ESR1: variants seen among roughly 807,000 people sequenced by gnomAD.
The protein encoded by ESR1 is estrogen receptor 1, also known as estrogen receptor.
ESR1 carries 12 observed loss-of-function variants against 52.7 expected under a neutral mutation model. That is an observed-to-expected ratio of 0.23 (90% confidence interval 0.15 to 0.37). The LOEUF is 0.37. ESR1 is among the 10% of genes least tolerant of loss of function. The probability of loss-of-function intolerance (pLI) is 1.00; values close to 1 mark genes in which losing one functional copy is unlikely to be tolerated. For synonymous variants in ESR1, 305 were observed against 316.8 expected (o/e 0.96, Z 0.39); for missense variants, 584 against 779.7 (o/e 0.75, Z 2.99).
exon 7 of ESR1, chr6:152,128,688 C>A (rs1377976262): frequency 1.3e-5 from 2 of 152,236 alleles, no homozygotes; most frequent in African/African-American, 4.8e-5. Flanking sequence ...TTGCAGACTG[C>A]TGGAAACAAC....
Position 151,663,493 on chromosome 6 carries a change from T to A in ESR1, n.73+6730T>A, listed in dbSNP as rs573002607. ...CTGGCACCTTTTGTTTCAATTTTTT[T>A]AAACATTAACTGCCCATAATAATTG... On this transcript the variant is annotated intron_variant and non_coding_transcript_variant, in intron 1 of 2. Transcript: ENST00000473497. Among the ~76,000 whole-genome samples the A allele has an allele frequency of 7.9e-5, 12 of 152,362 alleles. No individual in the cohort carries two copies. The East Asian group carries it at 2.3e-3, about 29-fold the overall frequency.
chr6:151,933,245 G>T (rs1408348503), intron 3 of ESR1, among the ~76,000 whole-genome samples: 1 of 148,592 alleles, frequency 6.7e-6, no homozygotes, highest in Non-Finnish European at 1.5e-5. Flanking sequence ...TCATGATTTG[G>T]CTCTCTGTTT....
intron 2 of ESR1, among the ~76,000 whole-genome samples, chr6:151,772,940 T>A (rs992572908): frequency 1.3e-5 from 2 of 152,196 alleles, no homozygotes; most frequent in African/African-American, 4.8e-5. Context: ...TATTAAACAC[T>A]CTTTTCCTCC....
At chr6:151,763,778 C>G (rs150240740) in intron 2 of ESR1, among the ~76,000 whole-genome samples, 2 of 152,152 alleles carry the variant, frequency 1.3e-5, no homozygotes. Context: ...TAATATATGA[C>G]AGAAATACAA....
intron 2 of ESR1, among the ~76,000 whole-genome samples, chr6:151,754,962 AG>A (rs1784169873): frequency 6.6e-6 from 1 of 152,244 alleles, no homozygotes; most frequent in Admixed American, 6.5e-5. Context: ...CTGTAATCCC[AG>A]CACTTTAGGA....
At chr6:151,941,291 G>C (rs1376908119) in intron 3 of ESR1, among the ~76,000 whole-genome samples, 1 of 152,056 alleles carries the variant, frequency 6.6e-6, no homozygotes, top group East Asian at 1.9e-4. Flanking sequence ...TTCCTGTAAG[G>C]CTTGATCGCA....
chr6:151,794,655 C>T (rs972388338), intron 2 of ESR1, among the ~76,000 whole-genome samples: 1 of 152,072 alleles, frequency 6.6e-6, no homozygotes, highest in African/African-American at 2.4e-5. Context: ...TACAATGGGT[C>T]TGAAAATGTT....
intron 4 of ESR1, among the ~76,000 whole-genome samples, chr6:151,972,157 A>AT (rs1382000647): frequency 6.6e-6 from 1 of 152,184 alleles, no homozygotes; most frequent in Non-Finnish European, 1.5e-5. Flanking sequence ...TGAAATGATA[A>AT]TAAAAAAAAT....
chr6:151,727,336 G>A (rs1291899687), intron 2 of ESR1, among the ~76,000 whole-genome samples: 4 of 151,790 alleles, frequency 2.6e-5, no homozygotes, highest in Non-Finnish European at 5.9e-5. Context: ...CGAGTAGCTG[G>A]GATTATAGGT....
At chr6:152,013,577 C>T (rs953427448) in intron 5 of ESR1, among the ~76,000 whole-genome samples, 2 of 152,100 alleles carry the variant, frequency 1.3e-5, no homozygotes, top group Non-Finnish European at 2.9e-5. Flanking sequence ...TGCTTGAGGA[C>T]AGTCATCAAA....
chr6:152,051,801 A>G (rs951270908), intron 5 of ESR1, among the ~76,000 whole-genome samples: 6 of 152,100 alleles, frequency 3.9e-5, no homozygotes, highest in Non-Finnish European at 8.8e-5. Context: ...CATACCACTA[A>G]TTACAACTTT....
At chr6:151,869,211 G>T (rs1388876250) in intron 2 of ESR1, among the ~76,000 whole-genome samples, 3 of 152,150 alleles carry the variant, frequency 2.0e-5, no homozygotes, top group Non-Finnish European at 2.9e-5. Context: ...GGACACCATA[G>T]TTTAGATTTC....
intron 2 of ESR1, among the ~76,000 whole-genome samples, chr6:151,752,802 T>A (rs1299778492): frequency 6.6e-6 from 1 of 152,256 alleles, no homozygotes; most frequent in African/African-American, 2.4e-5. Flanking sequence ...TTTCTTTCTC[T>A]GATTTACTGC....
intron 2 of ESR1, among the ~76,000 whole-genome samples, chr6:151,712,376 A>C (rs1022072089): frequency 6.6e-6 from 1 of 152,180 alleles, no homozygotes; most frequent in Non-Finnish European, 1.5e-5. Context: ...AATTCTATGA[A>C]GAAAGTCAAT....
chr6:151,724,953 C>G (rs17081624), intron 2 of ESR1, among the ~76,000 whole-genome samples: 3 of 152,058 alleles, frequency 2.0e-5, no homozygotes, highest in Non-Finnish European at 4.4e-5. Context: ...TTAAGAGTTA[C>G]GTTTCTGAAT....
chr6:152,002,891 G>C (rs764535901), intron 4 of ESR1, among the ~76,000 whole-genome samples: 1 of 151,978 alleles, frequency 6.6e-6, no homozygotes, highest in Non-Finnish European at 1.5e-5. Context: ...TGATAAGAGA[G>C]AGTACAAAAT....
chr6:152,028,246 T>A (rs1488990168), intron 5 of ESR1, among the ~76,000 whole-genome samples: 2 of 152,188 alleles, frequency 1.3e-5, no homozygotes, highest in Non-Finnish European at 2.9e-5. Context: ...ATTTTTGCAT[T>A]TCCAAATGAG....
At chr6:151,818,804 T>TACAC (rs1247555867) in intron 1 of ESR1, among the ~76,000 whole-genome samples, 27 of 138,708 alleles carry the variant, frequency 1.9e-4, no homozygotes, top group South Asian at 1.2e-3. Context: ...TATATACACA[T>TACAC]ATATACACAC....
intron 2 of ESR1, among the ~76,000 whole-genome samples, chr6:151,880,005 G>T (rs369840092): frequency 6.6e-6 from 1 of 152,016 alleles, no homozygotes; most frequent in African/African-American, 2.4e-5. Context: ...AGCAGTCTTG[G>T]TAAAACCAAA....
Sources: gnomAD v4.1 joint callset for allele counts (sites outside exome capture counted in the v4.1 genomes callset) on GRCh38, gnomAD v4.1.1 for gene constraint, MANE v1.5 for transcripts, NCBI Gene and HGNC (gene_info 2026-07-23, HGNC 2026-07-21) for gene names.